MCTP1: variants seen among roughly 807,000 people sequenced by gnomAD.
MCTP1 encodes multiple C2 and transmembrane domain containing 1.
MCTP1 carries 69 observed loss-of-function variants against 120.6 expected under a neutral mutation model. That is an observed-to-expected ratio of 0.57 (90% CI 0.47 to 0.70). The LOEUF is 0.70. Among genes scored for constraint, MCTP1 ranks in the 30% least tolerant of loss-of-function variants. The pLI is 0.00. For synonymous variants in MCTP1, 529 were observed against 493.1 expected, an observed-to-expected ratio of 1.07 and a Z score of -0.96; for missense variants, 1,203 against 1,248.8, an observed-to-expected ratio of 0.96 and a Z score of 0.55.
In MCTP1 at chr5:95,164,858, A is replaced by T. The variant is rs1281225247; in HGVS notation, c.720+118998T>A. On this transcript the variant is annotated intron_variant, in intron 1 of 22. Coordinates refer to ENST00000515393, the MANE Select transcript of MCTP1 (RefSeq NM_024717.7). ...AATCTGTTTCTCATGGTCTAATGTG[A>T]GTCTTCCTAGTGGAAGACGGCTTTT... is the stretch of plus-strand genomic sequence containing the variant. Among the ~76,000 whole-genome samples the T allele has an allele frequency of 2.0e-5, 3 of 152,202 alleles. No homozygotes were observed. In the South Asian group the frequency reaches 6.2e-4, roughly 32 times the overall value.
chr5:94,787,167 C>T (rs576229295), intron 18 of MCTP1, among the ~76,000 whole-genome samples: 2 of 152,218 alleles, frequency 1.3e-5, no homozygotes, highest in South Asian at 2.1e-4. Context: ...TCTTCATGCA[C>T]GGTGCACAGT....
At chr5:94,792,991 A>C (rs547035811) in intron 18 of MCTP1, 1 of 152,294 alleles carries the variant, frequency 6.6e-6, no homozygotes, top group East Asian at 1.9e-4. Context: ...ATTTCCATTG[A>C]ATTGGGCATC....
chr5:94,768,006 C>T (rs1253544251), intron 19 of MCTP1, among the ~76,000 whole-genome samples: 1 of 152,092 alleles, frequency 6.6e-6, no homozygotes, highest in Non-Finnish European at 1.5e-5. Flanking sequence ...TCAAAATATG[C>T]TATAAAGCTT....
At chr5:94,878,510 CT>C (rs1205261642) in intron 12 of MCTP1, among the ~76,000 whole-genome samples, 7 of 151,876 alleles carry the variant, frequency 4.6e-5, no homozygotes, top group Admixed American at 3.9e-4. Context: ...AGATCTAATA[CT>C]TTTTTTTCAT....
chr5:95,100,776 A>G (rs536505703), intron 1 of MCTP1, among the ~76,000 whole-genome samples: 2 of 152,358 alleles, frequency 1.3e-5, no homozygotes, highest in Admixed American at 6.5e-5. Flanking sequence ...AAATCAATTC[A>G]AAATATCAAA....
rs979657274 is a variant in MCTP1, at chr5:95,003,219, G to A, written c.838+14148C>T. Among the ~76,000 whole-genome samples the A allele has an allele frequency of 2.0e-5, 3 of 152,160 alleles. No homozygotes were observed. The East Asian group carries it at 5.8e-4, about 29-fold the overall frequency. ...GTATTTCTTATAGCAACATGAGAATGGACTATACACAGATGTACCATTTTT... is the reference window on the plus strand; with the variant it reads ...GTATTTCTTATAGCAACATGAGAATAGACTATACACAGATGTACCATTTTT... On this transcript the variant is annotated intron_variant, in intron 2 of 22. Transcript: ENST00000515393.
At chr5:95,282,570 C>T (rs1026701298) in intron 1 of MCTP1, among the ~76,000 whole-genome samples, 3 of 152,072 alleles carry the variant, frequency 2.0e-5, no homozygotes, top group African/African-American at 7.2e-5. Context: ...ACTTTTAAAA[C>T]CAAAAACAGG....
chr5:95,181,309 C>CTCACTCTAGCTACACGTCT lies in MCTP1; in HGVS notation c.720+102528_720+102546dup, dbSNP rs1748567553. 2.0e-5 allele frequency among the ~76,000 whole-genome samples: 3 copies of CTCACTCTAGCTACACGTCT among 152,360 alleles called. No homozygotes were observed. The South Asian group carries it at 6.2e-4, about 32-fold the overall frequency. Reference sequence around the variant, plus strand: ...TCATCTTCTAATTCTCTCCCTCTAGCTCACTCTAGCTACACGTCTACATTC... The same window carrying CTCACTCTAGCTACACGTCT: ...TCATCTTCTAATTCTCTCCCTCTAGCTCACTCTAGCTACACGTCTTCACTCTAGCTACACGTCTACATTC... On this transcript the variant is annotated intron_variant, in intron 1 of 22. Coordinates refer to ENST00000515393, the MANE Select transcript of MCTP1 (RefSeq NM_024717.7).
At chr5:95,211,123 C>T (rs538471611) in intron 1 of MCTP1, among the ~76,000 whole-genome samples, 1 of 152,030 alleles carries the variant, frequency 6.6e-6, no homozygotes, top group Admixed American at 6.6e-5. Context: ...TCCTTCATTT[C>T]AACTTTGGTG....
At chr5:94,919,788 T>C (rs928836348) in intron 7 of MCTP1, among the ~76,000 whole-genome samples, 5 of 152,224 alleles carry the variant, frequency 3.3e-5, no homozygotes, top group Non-Finnish European at 7.3e-5. Context: ...TTCCAGCGAA[T>C]TGCACCTGGA....
intron 1 of MCTP1, among the ~76,000 whole-genome samples, chr5:95,240,153 G>T (rs956305998): frequency 6.6e-6 from 1 of 152,142 alleles, no homozygotes; most frequent in Middle Eastern, 3.4e-3. Context: ...GTTAACTAGC[G>T]AAATCAGTAT....
chr5:94,818,701 TTTC>T (rs1784986613), intron 17 of MCTP1, among the ~76,000 whole-genome samples: 1 of 152,322 alleles, frequency 6.6e-6, no homozygotes, highest in Admixed American at 6.5e-5. Flanking sequence ...GAAGGTCTTC[TTTC>T]TTCTTCTCAA....
intron 17 of MCTP1, chr5:94,826,350 T>C: frequency 3.6e-6 from 2 of 562,498 alleles, no homozygotes; most frequent in South Asian, 3.5e-5. Flanking sequence ...CACTGAGGAT[T>C]TGATGAAGGC....
At chr5:95,047,184 G>C in intron 1 of MCTP1, among the ~76,000 whole-genome samples, 1 of 152,154 alleles carries the variant, frequency 6.6e-6, no homozygotes, top group East Asian at 1.9e-4. Context: ...TGTCCTTGAA[G>C]ACCGTTTGCT....
intron 1 of MCTP1, among the ~76,000 whole-genome samples, chr5:95,267,948 C>T (rs571412244): frequency 7.2e-5 from 11 of 152,366 alleles, no homozygotes; most frequent in Non-Finnish European, 1.6e-4. Context: ...TGCCACATCC[C>T]TGCCTTCCCT....
At chr5:95,140,178 T>A (rs1759788638) in intron 1 of MCTP1, among the ~76,000 whole-genome samples, 1 of 152,238 alleles carries the variant, frequency 6.6e-6, no homozygotes, top group Admixed American at 6.5e-5. Context: ...AATCATTCAC[T>A]CTCTCTTCAA....
At chr5:94,819,882 T>C (rs1785263202) in intron 17 of MCTP1, among the ~76,000 whole-genome samples, 1 of 152,238 alleles carries the variant, frequency 6.6e-6, no homozygotes, top group Non-Finnish European at 1.5e-5. Flanking sequence ...AGAAATTCAT[T>C]ATAGATAAGT....
chr5:95,224,037 A>T (rs771411643), intron 1 of MCTP1, among the ~76,000 whole-genome samples: 2 of 152,222 alleles, frequency 1.3e-5, no homozygotes, highest in Non-Finnish European at 2.9e-5. Context: ...CCCCATGCCA[A>T]CTTTGGGAAA....
At chr5:94,744,446 C>A (rs951420938) in intron 19 of MCTP1, among the ~76,000 whole-genome samples, 3 of 152,164 alleles carry the variant, frequency 2.0e-5, no homozygotes, top group Admixed American at 6.5e-5. Flanking sequence ...CAAATCCTGC[C>A]CTGCTGGCGT....
Sources: gnomAD v4.1 joint callset for allele counts (sites outside exome capture counted in the v4.1 genomes callset) on GRCh38, gnomAD v4.1.1 for gene constraint, MANE v1.5 for transcripts, NCBI Gene and HGNC (gene_info 2026-07-23, HGNC 2026-07-21) for gene names.